Variants in EPN3 observed in about 807,000 individuals in gnomAD.
The protein encoded by EPN3 is epsin 3.
Under a neutral mutation model 55.5 loss-of-function variants are expected in EPN3, and 56 were observed. The observed-to-expected ratio is 1.01, with a 90% CI of 0.81 to 1.26. The LOEUF (loss-of-function observed/expected upper bound fraction) is 1.26. Ranked by LOEUF, EPN3 falls within the 50% of genes most tolerant of loss-of-function variation. EPN3 has a pLI of 0.00. For missense variants in EPN3, 927 were observed against 853.4 expected (o/e 1.09, Z -1.07); for synonymous variants, 449 against 375.2 (o/e 1.20, Z -2.27).
intron 1 of EPN3, among the ~76,000 whole-genome samples, chr17:50,535,511 CAT>C (rs1261295005): frequency 6.6e-6 from 1 of 152,222 alleles, no homozygotes; most frequent in Non-Finnish European, 1.5e-5. Context: ...TGGCCCAGGT[CAT>C]AGCATTTCTT....
rs1567901905 is a variant in EPN3 at position 50,532,949 on chromosome 17, C to T, written c.-173C>T. ...TCGGAGGGTCACCGCAGAGGCTACTCGGGCTGGGGCTGGGGCCGAGGGAGC... is the reference window on the plus strand; with the variant it reads ...TCGGAGGGTCACCGCAGAGGCTACTTGGGCTGGGGCTGGGGCCGAGGGAGC... On this transcript the variant is annotated 5_prime_UTR_variant, in exon 1 of 10. Coordinates refer to ENST00000268933, the MANE Select transcript of EPN3 (RefSeq NM_017957.3). 20 of 1,285,768 alleles carry T rather than the reference C, an allele frequency of 1.6e-5. No homozygotes were observed. The highest frequency in any genetic ancestry group is 2.3e-5 in the Admixed American group (1 of 42,868). 79.6% of individuals were successfully genotyped at this position (1,285,768 alleles called of 1,614,324 possible).
At chr17:50,541,141 T>A (rs2034843453) in intron 7 of EPN3, 79 bp downstream of exon 7, 1 of 1,596,744 alleles carries the variant, frequency 6.3e-7, no homozygotes, top group Non-Finnish European at 8.5e-7. Flanking sequence ...ATACTGTTTG[T>A]GTTAGGAGGA....
intron 1 of EPN3, among the ~76,000 whole-genome samples, chr17:50,534,248 C>A (rs1210795426): frequency 6.6e-6 from 1 of 152,170 alleles, no homozygotes; most frequent in Non-Finnish European, 1.5e-5. Context: ...CCCCGCCCTT[C>A]CCCCCAGCCC....
chr17:50,534,565 G>C, intron 1 of EPN3: 1 of 985,524 alleles, frequency 1.0e-6, no homozygotes, highest in African/African-American at 1.7e-5. Context: ...ACTAGCAAGG[G>C]GGAGGGCAGG....
rs1466326439 is a variant in EPN3 at position 50,537,088 on chromosome 17, C to T, written c.532C>T (p.Arg178Cys). ...FSRRYGEDYS[R>C]SRGSPSSYNS... ...CCGCCGCTACGGCGAGGACTACAGCCGCTCCCGGGGCTCCCCGTCCTCCTA... is the reference window on the plus strand; with the variant it reads ...CCGCCGCTACGGCGAGGACTACAGCTGCTCCCGGGGCTCCCCGTCCTCCTA... Residue 178 changes from arginine (R) to cysteine (C), a missense_variant, in exon 2 of 10, where the codon CGC becomes TGC. By Grantham distance (180) the Arg-to-Cys change is radical. Transcript: ENST00000268933. 31 of 1,609,404 alleles carry T rather than the reference C, an allele frequency of 1.9e-5. No individual in the cohort carries two copies. Among genetic ancestry groups the T allele is most frequent in the East Asian group, 1.3e-4 (6 of 44,790 alleles).
chr17:50,534,390 G>A lies in EPN3; in HGVS notation c.-137+1405G>A. 6.1e-6 allele frequency: 6 copies of A among 985,120 alleles called. No individual in the cohort carries two copies. In the South Asian group the frequency reaches 1.9e-4, roughly 31 times the overall value. 61.0% of individuals were successfully genotyped at this position (985,120 alleles called of 1,614,324 possible). A position where few individuals can be genotyped will look rare whatever the true frequency, so the allele number is the denominator to read the frequency against. The stretch of plus-strand genomic sequence containing the variant: ...CCAGGCCGGAGGGCCAGGGCAGCCA[G>A]GTCCAGGTAGGGCTCTGGTGCAGTC... On this transcript the variant is annotated intron_variant, in intron 1 of 9. Coordinates refer to ENST00000268933, the MANE Select transcript of EPN3 (RefSeq NM_017957.3).
chr17:50,532,769 C>A lies in EPN3; in HGVS notation c.-353C>A, dbSNP rs2034688377. On this transcript the variant is annotated 5_prime_UTR_variant, in exon 1 of 10. Coordinates refer to ENST00000268933, the MANE Select transcript of EPN3 (RefSeq NM_017957.3). ...CCTGGCGCTGGCTAGGAGGCAAACG[C>A]ACGCGGGAAGAGCTGCTACCCATTC... is the stretch of plus-strand genomic sequence containing the variant. 2 of 698,674 alleles carry A rather than the reference C, an allele frequency of 2.9e-6. No homozygotes were observed. Among genetic ancestry groups the A allele is most frequent in the Non-Finnish European group, 4.1e-6 (2 of 483,402 alleles). The allele number at this position is 698,674 out of a possible 1,614,324, so 43.3% of individuals were successfully genotyped here.
intron 1 of EPN3, chr17:50,534,470 T>C (rs1229688873): frequency 5.1e-6 from 5 of 985,398 alleles, no homozygotes; most frequent in Middle Eastern, 5.2e-4. Context: ...GGGCGTGTGC[T>C]GGGCGGGCTT....
Position 50,542,309 on chromosome 17 carries a change from C to T in EPN3, c.*152C>T. The T allele has an allele frequency of 2.6e-6, 2 of 768,176 alleles. No individual in the cohort carries two copies. The highest frequency in any genetic ancestry group is 3.7e-6 in the Non-Finnish European group (2 of 536,206). The allele number at this position is 768,176 out of a possible 1,614,324, so 47.6% of individuals were successfully genotyped here. A position where few individuals can be genotyped will look rare whatever the true frequency, so the allele number is the denominator to read the frequency against. Reference sequence around the variant, plus strand: ...GCGGCTCTGGAAGCTGGACGCGGACCACGGCCCGGGAGCTAGAAACTGAAC... The same window carrying T: ...GCGGCTCTGGAAGCTGGACGCGGACTACGGCCCGGGAGCTAGAAACTGAAC... On this transcript the variant is annotated 3_prime_UTR_variant, in exon 10 of 10. Coordinates refer to ENST00000268933, the MANE Select transcript of EPN3 (RefSeq NM_017957.3).
Position 50,538,126 on chromosome 17 carries a change from C to T in EPN3, c.610C>T (p.Pro204Ser). The T allele has an allele frequency of 6.2e-7, 1 of 1,614,018 alleles. No homozygotes were observed. Residue 204 changes from proline (P) to serine (S), a missense_variant, in exon 3 of 10, where the codon CCT becomes TCT. Physicochemically the swap from Pro to Ser is moderately conservative, Grantham distance 74 (BLOSUM62 -1). Coordinates refer to ENST00000268933, the MANE Select transcript of EPN3 (RefSeq NM_017957.3). The part of the protein sequence containing the change: ...RYTSDLEQAR[P>S]QTSGEEELQL... Reference sequence around the variant, plus strand: ...TACCTCCGACCTGGAGCAGGCCCGGCCTCAGACGTCAGGGGAAGAGGAACT... The same window carrying T: ...TACCTCCGACCTGGAGCAGGCCCGGTCTCAGACGTCAGGGGAAGAGGAACT...
Position 50,541,881 on chromosome 17 carries a change from G to C in EPN3, c.1623G>C (p.Ala541=). ...CGTCCCCCACCAACCCGTTCGGCGC[G>C]GGCGAGCCGGGCAGGCCGACGCTAA... ...SAPSPTNPFG[A]GEPGRPTLNQ... is the part of the protein sequence containing the mutation. Residue 541 remains alanine (A), a synonymous_variant, in exon 10 of 10, where the codon GCG becomes GCC. Transcript: ENST00000268933. 6.2e-7 allele frequency: 1 copy of C among 1,607,944 alleles called. No individual in the cohort carries two copies. Among genetic ancestry groups the C allele is most frequent in the Non-Finnish European group, 8.5e-7 (1 of 1,179,946 alleles).
chr17:50,537,205 C>T lies in EPN3; in HGVS notation c.562+87C>T, dbSNP rs535860852. The T allele has an allele frequency of 4.9e-5, 65 of 1,313,398 alleles. 1 individual carries two copies. The South Asian group carries it at 8.9e-4, about 18-fold the overall frequency. The allele number at this position is 1,313,398 out of a possible 1,614,324, so 81.4% of individuals were successfully genotyped here. On this transcript the variant is annotated intron_variant, in intron 2 of 9. Transcript: ENST00000268933. ...GCAATCCAAGCCATGGTTCATAATACCTACCTCCGAGGGGTGTTATGAAGA... is the reference window on the plus strand; with the variant it reads ...GCAATCCAAGCCATGGTTCATAATATCTACCTCCGAGGGGTGTTATGAAGA...
rs1597860162 is a variant in EPN3 at position 50,536,513 on chromosome 17, A to G, written c.-44A>G. On this transcript the variant is annotated 5_prime_UTR_variant, in exon 2 of 10. Transcript: ENST00000268933. ...TCGCCACAGTGGCCCTCAGCCCTCC[A>G]CCTCCGGCGGGGGCGAGGGCCACCC... 6.2e-7 allele frequency: 1 copy of G among 1,610,650 alleles called. No homozygotes were observed. Among genetic ancestry groups the G allele is most frequent in the Middle Eastern group, 1.7e-4 (1 of 6,056 alleles).
chr17:50,538,361 A>ACTGCCTCC, intron 3 of EPN3, 164 bp downstream of exon 3: 1 of 602,424 alleles, frequency 1.7e-6, no homozygotes, highest in Non-Finnish European at 2.9e-6. Flanking sequence ...GCAGGCAGGG[A>ACTGCCTCC]CTGCCTCCCT....
rs775689337 is a variant in EPN3 at position 50,540,857 on chromosome 17, G to C, written c.1044G>C (p.Pro348=). 3.1e-6 allele frequency: 5 copies of C among 1,614,006 alleles called. No individual in the cohort carries two copies. Among genetic ancestry groups the C allele is most frequent in the Admixed American group, 1.7e-5 (1 of 60,004 alleles). ...GGCCTTCTGCAGACCCCTGGTCTCC[G>C]ATCCCCTCAGGAACCGTCCTGTCCC... ...SWGPSADPWS[P]IPSGTVLSRS... The change falls in exon 7 of 10, where the codon CCG becomes CCC. Residue 348 remains proline, a synonymous_variant. Coordinates refer to ENST00000268933, the MANE Select transcript of EPN3 (RefSeq NM_017957.3).
At chr17:50,537,285 C>T in intron 2 of EPN3, 167 bp downstream of exon 2, 1 of 682,386 alleles carries the variant, frequency 1.5e-6, no homozygotes, top group Non-Finnish European at 2.4e-6. Context: ...ATAGGAGGTG[C>T]TCAACAAGTT....
chr17:50,533,220 T>C (rs964269638), intron 1 of EPN3, among the ~76,000 whole-genome samples: 5 of 152,090 alleles, frequency 3.3e-5, no homozygotes, highest in Non-Finnish European at 7.4e-5. Flanking sequence ...GGTGGCATCT[T>C]AGCATCTTTG....
In EPN3 at chr17:50,541,875, C is replaced by G; in HGVS notation, c.1617C>G (p.Phe539Leu). ...GLSAPSPTNP[F>L]GAGEPGRPTL... The stretch of plus-strand genomic sequence containing the variant: ...GCGCTCCGTCCCCCACCAACCCGTT[C>G]GGCGCGGGCGAGCCGGGCAGGCCGA... The change falls in exon 10 of 10, where the codon TTC becomes TTG. Residue 539 changes from phenylalanine to leucine, a missense_variant. By Grantham distance (22) the Phe-to-Leu change is conservative. Transcript: ENST00000268933. The G allele has an allele frequency of 6.2e-7, 1 of 1,608,624 alleles. No individual in the cohort carries two copies. Among genetic ancestry groups the G allele is most frequent in the South Asian group, 1.1e-5 (1 of 91,078 alleles).
intron 2 of EPN3, chr17:50,537,806 C>A: frequency 2.3e-6 from 1 of 428,340 alleles, no homozygotes; most frequent in Non-Finnish European, 4.1e-6. Context: ...GGAGTCAGGG[C>A]ACCTGGGTTC....
Sources: allele counts gnomAD v4.1 joint callset (sites outside exome capture counted in the v4.1 genomes callset), GRCh38; gene constraint gnomAD v4.1.1; transcripts MANE v1.5; gene names NCBI Gene and HGNC (gene_info 2026-07-23, HGNC 2026-07-21).